The following LYPLAL1 variants were observed in gnomAD, a reference collection of about 807,000 sequenced individuals.
The protein encoded by LYPLAL1 is lysophospholipase like 1, also known as lysophospholipase-like protein 1.
In LYPLAL1, 23 loss-of-function variants were observed where a neutral mutation model predicts 19.7. The ratio of observed to expected loss-of-function variants is 1.17; its 90% CI spans 0.84 to 1.65. LYPLAL1 has a LOEUF of 1.65. Among genes scored for constraint, LYPLAL1 ranks in the 40% most tolerant of loss-of-function variants. The pLI is 0.00. For synonymous variants in LYPLAL1, 119 were observed against 96.3 expected, an observed-to-expected ratio of 1.24 and a Z score of -1.38; for missense variants, 355 against 279.4, an observed-to-expected ratio of 1.27 and a Z score of -1.93.
chr1:219,318,117 G>C, the LYPLAL1 span, among the ~76,000 whole-genome samples: 1 of 152,050 alleles, frequency 6.6e-6, no homozygotes, highest in Non-Finnish European at 1.5e-5. Flanking sequence ...ACTGAATGTT[G>C]GGCTAATCTA....
intron 3 of LYPLAL1, 112 bp from the exon 4 acceptor site, chr1:219,210,420 A>G: frequency 1.4e-6 from 1 of 707,948 alleles, no homozygotes; most frequent in Non-Finnish European, 2.2e-6. Context: ...ATTTCTTTTT[A>G]GCATTCTCTT....
intron 1 of LYPLAL1, among the ~76,000 whole-genome samples, chr1:219,176,501 G>T (rs148278808): frequency 2.7e-4 from 41 of 152,254 alleles, no homozygotes; most frequent in Admixed American, 5.2e-4. Context: ...ATTTTCAGTC[G>T]TCCTCTTACG....
In LYPLAL1 at chr1:219,173,911, GGTTCTGCA is replaced by G; in HGVS notation, c.23_30del (p.Val8AlafsTer11). The G allele has an allele frequency of 6.2e-7, 1 of 1,613,452 alleles. No individual in the cohort carries two copies. The highest frequency in any genetic ancestry group is 1.1e-5 in the South Asian group (1 of 91,082). ...CAGCGATGGCGGCTGCGTCGGGGTC[GGTTCTGCA>G]GCGCTGTATCGTGTCGCCGGCAGGG... is the stretch of plus-strand genomic sequence containing the variant. On this transcript the variant is annotated frameshift_variant, in exon 1 of 5. Coordinates refer to ENST00000366928, the MANE Select transcript of LYPLAL1 (RefSeq NM_138794.5). LOFTEE classifies it high-confidence loss of function.
the LYPLAL1 span, among the ~76,000 whole-genome samples, chr1:219,351,512 C>T: frequency 6.6e-6 from 1 of 151,928 alleles, no homozygotes; most frequent in Non-Finnish European, 1.5e-5. Context: ...TCATGAATGC[C>T]ACTGGCTTAT....
chr1:219,348,732 T>C, the LYPLAL1 span, among the ~76,000 whole-genome samples: 2 of 152,192 alleles, frequency 1.3e-5, no homozygotes, highest in Non-Finnish European at 2.9e-5. Flanking sequence ...TATAATCTAT[T>C]GCCTTTCCCG....
chr1:219,416,118 A>T, the LYPLAL1 span, among the ~76,000 whole-genome samples: 1 of 152,234 alleles, frequency 6.6e-6, no homozygotes, highest in Admixed American at 6.5e-5. Flanking sequence ...ACATGTTATT[A>T]ATGTACATTT....
the LYPLAL1 span, among the ~76,000 whole-genome samples, chr1:219,332,414 G>A: frequency 1.3e-5 from 2 of 152,122 alleles, no homozygotes; most frequent in African/African-American, 4.8e-5. Context: ...GATATCATAT[G>A]AAGCAGAGAT....
At chr1:219,373,863 C>CAAAAA in the LYPLAL1 span, among the ~76,000 whole-genome samples, 16 of 102,214 alleles carry the variant, frequency 1.6e-4, no homozygotes, top group Admixed American at 3.2e-4. Flanking sequence ...ATAAAATTGT[C>CAAAAA]AAAAAAAAAA....
chr1:219,183,084 A>G (rs1475855797), intron 2 of LYPLAL1, among the ~76,000 whole-genome samples: 1 of 152,130 alleles, frequency 6.6e-6, no homozygotes, highest in African/African-American at 2.4e-5. Context: ...CATTTGTCTC[A>G]CATCCTCCTG....
the LYPLAL1 span, among the ~76,000 whole-genome samples, chr1:219,422,584 A>AAATG: frequency 6.6e-6 from 1 of 152,220 alleles, no homozygotes; most frequent in Non-Finnish European, 1.5e-5. Flanking sequence ...CTGTGAAAAT[A>AAATG]GCTTGAGCCC....
the LYPLAL1 span, among the ~76,000 whole-genome samples, chr1:219,331,177 G>T: frequency 9.9e-4 from 151 of 152,216 alleles, no homozygotes; most frequent in African/African-American, 3.5e-3. Flanking sequence ...TCAGGCATTG[G>T]CTAGGTGGTT....
At chr1:219,254,302 T>A in the LYPLAL1 span, among the ~76,000 whole-genome samples, 1 of 152,058 alleles carries the variant, frequency 6.6e-6, no homozygotes, top group Non-Finnish European at 1.5e-5. Context: ...ACTGAATGTA[T>A]GAATTTGATT....
At chr1:219,242,795 T>C in the LYPLAL1 span, among the ~76,000 whole-genome samples, 3 of 151,984 alleles carry the variant, frequency 2.0e-5, no homozygotes, top group East Asian at 5.8e-4. Context: ...TTATAAGATA[T>C]TTGGAGATGG....
chr1:219,444,283 C>T, the LYPLAL1 span, among the ~76,000 whole-genome samples: 1 of 152,314 alleles, frequency 6.6e-6, no homozygotes, highest in South Asian at 2.1e-4. Context: ...AGGAGGATTT[C>T]ATAACTTTTC....
At chr1:219,263,699 T>TA in the LYPLAL1 span, among the ~76,000 whole-genome samples, 35 of 152,166 alleles carry the variant, frequency 2.3e-4, no homozygotes, top group Admixed American at 7.9e-4. Flanking sequence ...TGGGAGTGCC[T>TA]ACAGGGCTCT....
chr1:219,228,942 G>A, the LYPLAL1 span, among the ~76,000 whole-genome samples: 24 of 151,988 alleles, frequency 1.6e-4, no homozygotes, highest in African/African-American at 5.8e-4. Context: ...GCCTCACAAA[G>A]TGCTAGGATT....
chr1:219,364,295 G>A, the LYPLAL1 span, among the ~76,000 whole-genome samples: 1 of 151,968 alleles, frequency 6.6e-6, no homozygotes, highest in African/African-American at 2.4e-5. Context: ...TAAATGTGTC[G>A]AGTGAGTTGA....
At chr1:219,352,145 G>A in the LYPLAL1 span, among the ~76,000 whole-genome samples, 1 of 152,202 alleles carries the variant, frequency 6.6e-6, no homozygotes, top group Admixed American at 6.5e-5. Flanking sequence ...TGAAATTGAA[G>A]GCTGACTCTA....
the LYPLAL1 span, among the ~76,000 whole-genome samples, chr1:219,324,344 T>C: frequency 1.6e-4 from 25 of 152,216 alleles, no homozygotes; most frequent in African/African-American, 6.0e-4. Flanking sequence ...TGTTCTGAAA[T>C]GCCTGGAGGA....
Sources: gnomAD v4.1 joint callset for allele counts (sites outside exome capture counted in the v4.1 genomes callset) on GRCh38, gnomAD v4.1.1 for gene constraint, MANE v1.5 for transcripts, NCBI Gene and HGNC (gene_info 2026-07-23, HGNC 2026-07-21) for gene names.